Variants in RPIA observed in about 807,000 individuals in gnomAD.
RPIA encodes the protein ribose 5-phosphate isomerase A.
Under a neutral mutation model 37.8 loss-of-function variants are expected in RPIA, and 29 were observed. The observed-to-expected ratio is 0.77, with a 90% CI of 0.57 to 1.05. RPIA has a LOEUF of 1.05. Ranked by LOEUF, RPIA falls within the 50% of genes least tolerant of loss-of-function variation. The pLI is 0.00. For synonymous variants in RPIA, 167 were observed against 157.0 expected (o/e 1.06, Z -0.48); for missense variants, 385 against 413.6 (o/e 0.93, Z 0.60).
At chr2:88,719,667 A>T (rs796983188) in intron 3 of RPIA, among the ~76,000 whole-genome samples, 3 of 152,260 alleles carry the variant, frequency 2.0e-5, no homozygotes, top group African/African-American at 7.2e-5. Context: ...TCATTTTTTG[A>T]GAGAGGAGAC....
chr2:88,726,594 T>G (rs1673199880), intron 3 of RPIA, among the ~76,000 whole-genome samples: 1 of 152,184 alleles, frequency 6.6e-6, no homozygotes, highest in Non-Finnish European at 1.5e-5. Context: ...TTCAAAGAAT[T>G]AATGCTACAT....
At chr2:88,735,557 A>G (rs1199316020) in intron 5 of RPIA, 112 bp from the exon 6 acceptor site, 2 of 965,054 alleles carry the variant, frequency 2.1e-6, no homozygotes, top group East Asian at 4.8e-5. Flanking sequence ...TTAAAAGTTA[A>G]GTTTCTCTTT....
chr2:88,716,614 G>A (rs1673039851), intron 3 of RPIA, among the ~76,000 whole-genome samples: 1 of 152,254 alleles, frequency 6.6e-6, no homozygotes, highest in Non-Finnish European at 1.5e-5. Flanking sequence ...GGCCCATTCC[G>A]GTTAACTGTG....
chr2:88,734,511 C>T lies in RPIA; in HGVS notation c.463-41C>T, dbSNP rs201761821. On this transcript the variant is annotated intron_variant, in intron 4 of 8. Coordinates refer to ENST00000283646, the MANE Select transcript of RPIA (RefSeq NM_144563.3). The stretch of plus-strand genomic sequence containing the variant: ...TGCTCAGGCAATTAGCAGAGGCTCC[C>T]CTCGAGTGGTTTTTGTATCTTTACC... 1.1e-4 allele frequency: 169 copies of T among 1,602,962 alleles called. No individual in the cohort carries two copies. In the African/African-American group the frequency reaches 2.1e-3, roughly 20 times the overall value.
At chr2:88,720,487 A>G (rs1673106600) in intron 3 of RPIA, among the ~76,000 whole-genome samples, 1 of 152,016 alleles carries the variant, frequency 6.6e-6, no homozygotes, top group East Asian at 1.9e-4. Context: ...GAGTTGGAGA[A>G]CATTATTACT....
intron 4 of RPIA, among the ~76,000 whole-genome samples, chr2:88,733,988 G>T (rs893480850): frequency 6.6e-6 from 1 of 152,108 alleles, no homozygotes; most frequent in African/African-American, 2.4e-5. Flanking sequence ...TCCAGTTCGG[G>T]AACTCATCAG....
At chr2:88,714,335 A>C (rs766084311) in intron 3 of RPIA, among the ~76,000 whole-genome samples, 24 of 152,160 alleles carry the variant, frequency 1.6e-4, no homozygotes, top group Non-Finnish European at 3.2e-4. Context: ...ACACCCGGCT[A>C]ATTTTTTTGT....
At chr2:88,718,437 G>T (rs1243090038) in intron 3 of RPIA, among the ~76,000 whole-genome samples, 1 of 152,164 alleles carries the variant, frequency 6.6e-6, no homozygotes, top group Non-Finnish European at 1.5e-5. Context: ...GCCGAGCCCA[G>T]CCATTATGGA....
chr2:88,691,873 A>T lies in RPIA; in HGVS notation c.175A>T (p.Ser59Cys). The change falls in exon 1 of 9, where the codon AGC becomes TGC. Residue 59 changes from serine (S) to cysteine (C), a missense_variant. By Grantham distance (112) the Ser-to-Cys change is moderately radical (BLOSUM62 -1). Around this residue, in one of 2 missense-constraint regions of RPIA, gnomAD observed 232 missense variants for 203.0 expected, o/e 1.14. Coordinates refer to ENST00000283646, the MANE Select transcript of RPIA (RefSeq NM_144563.3). ...GACCCGTGGCGGTGCTGGCAACACA[A>T]GCACCAGCTGCGGGGACTCCAACAG... ...SGTRGGAGNTSTSCGDSNSIC... is the reference protein window; with the variant it reads ...SGTRGGAGNTCTSCGDSNSIC... The T allele has an allele frequency of 6.3e-7, 1 of 1,595,498 alleles. No homozygotes were observed. The highest frequency in any genetic ancestry group is 8.5e-7 in the Non-Finnish European group (1 of 1,172,320).
chr2:88,697,211 A>G (rs1028152973), intron 1 of RPIA, among the ~76,000 whole-genome samples: 1 of 152,214 alleles, frequency 6.6e-6, no homozygotes, highest in African/African-American at 2.4e-5. Flanking sequence ...TCCCATTGGA[A>G]GGATATCCAG....
Position 88,691,738 on chromosome 2 carries a change from G to C in RPIA, c.40G>C (p.Val14Leu), listed in dbSNP as rs759938006. Residue 14 changes from valine to leucine, a missense_variant, in exon 1 of 9, where the codon GTC becomes CTC. This residue lies in a region of RPIA where 232 missense variants were observed against 203.0 expected (regional missense o/e 1.14). Transcript: ENST00000283646. ...GCCCTTCAGCACCCTCTACGGGCGG[G>C]TCTTGGCCCCGCTGCCCGGGAGGGC... ...PGPFSTLYGR[V>L]LAPLPGRAGG... The C allele has an allele frequency of 6.3e-7, 1 of 1,596,150 alleles. No homozygotes were observed. The highest frequency in any genetic ancestry group is 8.5e-7 in the Non-Finnish European group (1 of 1,176,242).
intron 1 of RPIA, 88 bp from the exon 2 acceptor site, chr2:88,698,396 A>G: frequency 1.7e-6 from 2 of 1,174,706 alleles, no homozygotes; most frequent in East Asian, 4.7e-5. Context: ...GCTGTTCATA[A>G]TAATTTTATA....
At chr2:88,725,783 A>T (rs759931353) in intron 3 of RPIA, among the ~76,000 whole-genome samples, 11 of 152,106 alleles carry the variant, frequency 7.2e-5, no homozygotes, top group Admixed American at 1.3e-4. Context: ...TGAGGCTCAC[A>T]CCATTTGTAA....
At chr2:88,735,612 AG>A (rs1423886260) in intron 5 of RPIA, 56 bp from the exon 6 acceptor site, 14 of 1,489,236 alleles carry the variant, frequency 9.4e-6, no homozygotes, top group African/African-American at 1.4e-5. Flanking sequence ...ATTTAACCTT[AG>A]TTCCCAAACT....
At chr2:88,711,268 G>T (rs1009485568) in intron 3 of RPIA, among the ~76,000 whole-genome samples, 27 of 152,356 alleles carry the variant, frequency 1.8e-4, no homozygotes, top group African/African-American at 5.8e-4. Context: ...ACCGCAAGGT[G>T]GTCAAGCTAT....
chr2:88,726,811 G>A (rs1043679500), intron 3 of RPIA, among the ~76,000 whole-genome samples: 1 of 151,894 alleles, frequency 6.6e-6, no homozygotes, highest in East Asian at 1.9e-4. Flanking sequence ...GCACTATCTC[G>A]GCTCACTGCC....
At chr2:88,709,438 G>T (rs1672936004) in intron 3 of RPIA, among the ~76,000 whole-genome samples, 1 of 152,202 alleles carries the variant, frequency 6.6e-6, no homozygotes. Flanking sequence ...TGAAGAGGCT[G>T]TCCTGGATTA....
rs1180342481 is a variant in RPIA, at chr2:88,713,118, A to AT, written c.402+13055dup. Among the ~76,000 whole-genome samples the AT allele has an allele frequency of 2.9e-4, 13 of 45,308 alleles. No homozygotes were observed. In the East Asian group the frequency reaches 3.0e-3, roughly 11 times the overall value. The allele number at this position is 45,308 out of a possible 152,430, so 29.7% of individuals were successfully genotyped here. On this transcript the variant is annotated intron_variant, in intron 3 of 8. Transcript: ENST00000283646. Reference sequence around the variant, plus strand: ...TGTCTGAATATATATATATATATATATATTTTTTTTTTTTTTTTCAAGCTA... The same window carrying AT: ...TGTCTGAATATATATATATATATATATTATTTTTTTTTTTTTTTTCAAGCTA...
intron 3 of RPIA, among the ~76,000 whole-genome samples, chr2:88,723,665 C>T (rs1033706150): frequency 2.0e-5 from 3 of 152,004 alleles, no homozygotes; most frequent in African/African-American, 4.8e-5. Context: ...TCTGTGGTTA[C>T]CAAAATGTCA....
Sources: allele counts gnomAD v4.1 joint callset (sites outside exome capture counted in the v4.1 genomes callset), GRCh38; gene constraint gnomAD v4.1.1; regional missense constraint gnomAD v4.1.1; transcripts MANE v1.5; gene names NCBI Gene and HGNC (gene_info 2026-07-23, HGNC 2026-07-21).